Variants in ADAMTS10 observed in about 807,000 individuals in gnomAD.
ADAMTS10 encodes ADAM metallopeptidase with thrombospondin type 1 motif 10.
In ADAMTS10, 48 loss-of-function variants were observed where a neutral mutation model predicts 135.9. The observed-to-expected ratio is 0.35, with a 90% confidence interval of 0.28 to 0.45. The LOEUF is 0.45. ADAMTS10 is among the 20% of genes least tolerant of loss of function. The probability of loss-of-function intolerance (pLI) is 1.00; values close to 1 mark genes in which losing one functional copy is unlikely to be tolerated. For missense variants in ADAMTS10, 1,131 were observed against 1,565.2 expected (o/e 0.72, Z 4.68); for synonymous variants, 621 against 647.5 (o/e 0.96, Z 0.62).
In ADAMTS10 at chr19:8,580,901, C is replaced by T; in HGVS notation, c.3304G>A (p.Gly1102Ser). ...CGGGTGCCGCGCGCCCCCTAGTGGC[C>T]ATGGCAGGTTTTGCAGCACATCTGG... Reference protein sequence around the residue: ...FRQMCCKTCHGH With the variant: ...FRQMCCKTCHSH Residue 1102 changes from glycine (G) to serine (S), a missense_variant, in exon 26 of 26, where the codon GGC becomes AGC. Physicochemically the swap from Gly to Ser is moderately conservative, Grantham distance 56. This residue lies in a region of ADAMTS10 where 745 missense variants were observed against 1,056.3 expected (regional missense o/e 0.71). Transcript: ENST00000597188. 2 of 1,608,828 alleles carry T rather than the reference C, an allele frequency of 1.2e-6. No homozygotes were observed. Among genetic ancestry groups the T allele is most frequent in the South Asian group, 1.1e-5 (1 of 90,312 alleles).
chr19:8,606,373 C>A (rs782511889), intron 2 of ADAMTS10, among the ~76,000 whole-genome samples: 26 of 152,120 alleles, frequency 1.7e-4, no homozygotes, highest in Non-Finnish European at 3.1e-4. Flanking sequence ...CACCGTATTT[C>A]ATTTCCAAAA....
chr19:8,596,064 C>T lies in ADAMTS10; in HGVS notation c.1337+9G>A, dbSNP rs1555740079. 1.2e-6 allele frequency: 2 copies of T among 1,614,188 alleles called. No individual in the cohort carries two copies. Among genetic ancestry groups the T allele is most frequent in the East Asian group, 2.2e-5 (1 of 44,878 alleles). Reference sequence around the variant, plus strand: ...ACCCGCTCTGAGGGACACCCAGGTGCATCCTCACTCTAGAAAGCTGGTGAT... The same window carrying T: ...ACCCGCTCTGAGGGACACCCAGGTGTATCCTCACTCTAGAAAGCTGGTGAT... On this transcript the variant is annotated intron_variant, in intron 11 of 25. Coordinates refer to ENST00000597188, the MANE Select transcript of ADAMTS10 (RefSeq NM_030957.4). This position sits in a 1 kb window ranked among gnomAD's most constrained non-coding sequence, Gnocchi z 7.2.
rs782021728 is a variant in ADAMTS10 at position 8,605,897 on chromosome 19, C to T, written c.-99-88G>A. The T allele has an allele frequency of 8.1e-5, 103 of 1,266,618 alleles. No individual in the cohort carries two copies. Among genetic ancestry groups the T allele is most frequent in the Admixed American group, 8.0e-4 (28 of 35,070 alleles). 78.5% of individuals were successfully genotyped at this position (1,266,618 alleles called of 1,614,324 possible). A position where few individuals can be genotyped will look rare whatever the true frequency, so the allele number is the denominator to read the frequency against. ...GGCCAATCATGGCCAAAGCTTTTCA[C>T]CTGACTCTGAAGATTCTGAATGCAT... On this transcript the variant is annotated intron_variant, in intron 2 of 25. Transcript: ENST00000597188. This position sits in a 1 kb window ranked among gnomAD's most constrained non-coding sequence, Gnocchi z 7.7.
At chr19:8,600,267 G>C (rs2042648075) in intron 6 of ADAMTS10, among the ~76,000 whole-genome samples, 1 of 152,194 alleles carries the variant, frequency 6.6e-6, no homozygotes, top group African/African-American at 2.4e-5. Flanking sequence ...ACAAGGCAGA[G>C]AGGTGAAGTA....
Position 8,609,507 on chromosome 19 carries a change from C to T in ADAMTS10, c.-215+1137G>A, listed in dbSNP as rs562729112. Among the ~76,000 whole-genome samples the T allele has an allele frequency of 4.2e-4, 64 of 152,208 alleles. No individual in the cohort carries two copies. The South Asian group carries it at 6.8e-3, about 16-fold the overall frequency. On this transcript the variant is annotated intron_variant, in intron 1 of 25. Coordinates refer to ENST00000597188, the MANE Select transcript of ADAMTS10 (RefSeq NM_030957.4). The stretch of plus-strand genomic sequence containing the variant: ...GAAGGTCCCCCGTGGAGGCCAAGGC[C>T]GCGTCTCCCCAGGCAGAGGCCCCAG...
intron 18 of ADAMTS10, among the ~76,000 whole-genome samples, chr19:8,588,806 T>G (rs1377083407): frequency 1.3e-5 from 2 of 151,864 alleles, no homozygotes; most frequent in East Asian, 3.9e-4. Flanking sequence ...ACTCTTTTTT[T>G]TTTGAGACAG....
chr19:8,598,380 C>T (rs752344450), intron 6 of ADAMTS10, among the ~76,000 whole-genome samples: 5 of 151,744 alleles, frequency 3.3e-5, no homozygotes, highest in Admixed American at 6.6e-5. Flanking sequence ...CCACAGCTGT[C>T]TGAAGGTACC....
intron 12 of ADAMTS10, 60 bp downstream of exon 12, chr19:8,595,702 T>TGCC: frequency 2.7e-4 from 239 of 894,006 alleles, no homozygotes; most frequent in Non-Finnish European, 3.5e-4. Flanking sequence ...TGGAGTTCCC[T>TGCC]CCCCCAGCCC....
chr19:8,600,500 C>CTTTT (rs797035354), intron 6 of ADAMTS10, among the ~76,000 whole-genome samples: 5 of 129,820 alleles, frequency 3.9e-5, no homozygotes, highest in Non-Finnish European at 8.0e-5. Flanking sequence ...TCTTTCTTTT[C>CTTTT]TTTTTTTTTT....
chr19:8,599,323 TATCTATC>T lies in ADAMTS10; in HGVS notation c.810+1598_810+1604del, dbSNP rs1435596564. ...CCTCAACGAGTACCTGTGAGCTACC[TATCTATC>T]ATCTATCTATCTATTTTGAGATGGA... On this transcript the variant is annotated intron_variant, in intron 6 of 25. Coordinates refer to ENST00000597188, the MANE Select transcript of ADAMTS10 (RefSeq NM_030957.4). Among the ~76,000 whole-genome samples, 91 of 124,416 alleles carry T rather than the reference TATCTATC, an allele frequency of 7.3e-4. 1 individual carries two copies. The highest frequency in any genetic ancestry group is 2.2e-3 in the African/African-American group (85 of 39,474). The allele number at this position is 124,416 out of a possible 152,430, so 81.6% of individuals were successfully genotyped here.
intron 1 of ADAMTS10, among the ~76,000 whole-genome samples, chr19:8,610,184 C>T (rs1555743237): frequency 6.6e-6 from 1 of 151,940 alleles, no homozygotes; most frequent in African/African-American, 2.4e-5. Context: ...CTAGACACCC[C>T]CCCACACCAG....
intron 6 of ADAMTS10, among the ~76,000 whole-genome samples, chr19:8,600,591 C>T (rs1357473399): frequency 2.6e-5 from 4 of 151,394 alleles, no homozygotes; most frequent in East Asian, 2.0e-4. Flanking sequence ...CTCTGCCTCC[C>T]AGGTTCACGC....
In ADAMTS10 at chr19:8,605,058, C is replaced by T. The variant is rs1555742224; in HGVS notation, c.389G>A (p.Gly130Asp). The change falls in exon 4 of 26, where the codon GGC becomes GAC. Residue 130 changes from glycine to aspartate, a missense_variant. Coordinates refer to ENST00000597188, the MANE Select transcript of ADAMTS10 (RefSeq NM_030957.4). The surrounding 1 kb of genome is among the most constrained non-coding windows in gnomAD (Gnocchi z 7.7). ...GGCCACATGGGAGCTGCTGGCCTGG[C>T]CCTGCAGGTGACCAGCGTAGAGGCA... ...PHCLYAGHLQ[G>D]QASSSHVAIS... 2 of 1,611,396 alleles carry T rather than the reference C, an allele frequency of 1.2e-6. No individual in the cohort carries two copies. Among genetic ancestry groups the T allele is most frequent in the South Asian group, 1.1e-5 (1 of 90,726 alleles).
intron 11 of ADAMTS10, 77 bp from the exon 12 acceptor site, chr19:8,595,980 C>T: frequency 1.9e-6 from 3 of 1,613,752 alleles, no homozygotes; most frequent in Non-Finnish European, 2.5e-6. Flanking sequence ...GGATGGGGGT[C>T]CCAGGGAGCA....
intron 12 of ADAMTS10, 138 bp downstream of exon 12, chr19:8,595,624 C>T: frequency 7.3e-7 from 1 of 1,360,916 alleles, no homozygotes; most frequent in Non-Finnish European, 1.0e-6. Flanking sequence ...TCCCAGGTCA[C>T]CATGGGGGCT....
chr19:8,605,742 C>T lies in ADAMTS10; in HGVS notation c.-32G>A, dbSNP rs2042715394. On this transcript the variant is annotated 5_prime_UTR_variant, in exon 3 of 26. Transcript: ENST00000597188. The surrounding 1 kb of genome is among the most constrained non-coding windows in gnomAD (Gnocchi z 7.7). ...CACGTGTCCACATGTCTCTCCCCAG[C>T]CCCGGCTGCCGGCAGCCCCCACAGT... is the stretch of plus-strand genomic sequence containing the variant. 2.5e-6 allele frequency: 4 copies of T among 1,578,804 alleles called. No individual in the cohort carries two copies. The highest frequency in any genetic ancestry group is 4.6e-5 in the East Asian group (2 of 43,484).
At chr19:8,585,917 G>C (rs2042421660) in intron 22 of ADAMTS10, among the ~76,000 whole-genome samples, 1 of 152,084 alleles carries the variant, frequency 6.6e-6, no homozygotes, top group Admixed American at 6.5e-5. Context: ...CTGACTCCAG[G>C]GCCATGCAGC....
rs1188791985 is a variant in ADAMTS10 at position 8,596,395 on chromosome 19, C to T, written c.1102G>A (p.Gly368Arg). 5.0e-6 allele frequency: 8 copies of T among 1,613,310 alleles called. No individual in the cohort carries two copies. Among genetic ancestry groups the T allele is most frequent in the Non-Finnish European group, 5.9e-6 (7 of 1,179,876 alleles). Residue 368 changes from glycine to arginine, a missense_variant, in exon 10 of 26, where the codon GGA (glycine) becomes AGA (arginine). This residue lies in a region of ADAMTS10 where 745 missense variants were observed against 1,056.3 expected (regional missense o/e 0.71). Transcript: ENST00000597188. This position sits in a 1 kb window ranked among gnomAD's most constrained non-coding sequence, Gnocchi z 7.2. ...CGTLGLAPVG[G>R]MCERERSCSV... The stretch of plus-strand genomic sequence containing the variant: ...CAGCTTCTCTCGCGCTCACACATTC[C>T]GCCCACCGGGGCCAGGCCTGGGAAG...
chr19:8,597,156 C>G, intron 7 of ADAMTS10, 24 bp from the exon 8 acceptor site: 1 of 1,614,152 alleles, frequency 6.2e-7, no homozygotes, highest in South Asian at 1.1e-5. Context: ...GAGGGAAATG[C>G]ATGGGCACCC....
Sources: allele counts gnomAD v4.1 joint callset (sites outside exome capture counted in the v4.1 genomes callset), GRCh38; gene constraint gnomAD v4.1.1; regional missense constraint gnomAD v4.1.1; non-coding constraint Gnocchi (gnomAD v3.1); transcripts MANE v1.5; gene names NCBI Gene and HGNC (gene_info 2026-07-23, HGNC 2026-07-21).